The following GPBP1L1 variants were observed in gnomAD, a reference collection of about 807,000 sequenced individuals.
GPBP1L1 encodes the protein GC-rich promoter binding protein 1 like 1.
A neutral mutation model predicts 52.5 loss-of-function variants in GPBP1L1; 23 were observed. The ratio of observed to expected loss-of-function variants is 0.44; its 90% CI spans 0.32 to 0.62. GPBP1L1 has a LOEUF of 0.62. GPBP1L1 is among the 20% of genes least tolerant of loss of function. GPBP1L1 has a pLI of 0.06. For synonymous variants in GPBP1L1, 243 were observed against 203.1 expected, an observed-to-expected ratio of 1.20 and a Z score of -1.67; for missense variants, 596 against 579.3, an observed-to-expected ratio of 1.03 and a Z score of -0.30.
intron 2 of GPBP1L1, among the ~76,000 whole-genome samples, chr1:45,677,217 T>A (rs1645157627): frequency 6.6e-6 from 1 of 151,612 alleles, no homozygotes. Context: ...ATGCCTGTAG[T>A]CCCAGCTACT....
In GPBP1L1 at chr1:45,630,587, G is replaced by A. The variant is rs1217673706; in HGVS notation, c.1064C>T (p.Pro355Leu). 6.2e-7 allele frequency: 1 copy of A among 1,614,034 alleles called. No individual in the cohort carries two copies. Reference protein sequence around the residue: ...KLEDLEDNSTPEPKENGEEGC... With the variant: ...KLEDLEDNSTLEPKENGEEGC... Reference sequence around the variant, plus strand: ...TTCCTCCCCATTTTCCTTTGGTTCAGGTGTGCTGTTGTCCTCCAACTGCAA... The same window carrying A: ...TTCCTCCCCATTTTCCTTTGGTTCAAGTGTGCTGTTGTCCTCCAACTGCAA... The change falls in exon 11 of 13, where the codon CCT becomes CTT. Residue 355 changes from proline to leucine, a missense_variant. Coordinates refer to ENST00000355105, the MANE Select transcript of GPBP1L1 (RefSeq NM_021639.5).
intron 6 of GPBP1L1, chr1:45,654,243 A>T (rs55646901): frequency 0.012 from 2,654 of 219,642 alleles, 30 homozygotes; most frequent in Non-Finnish European, 0.019. Flanking sequence ...ACAATTTAAC[A>T]TGCAAGAGTA....
chr1:45,671,198 T>C (rs1163892350), intron 2 of GPBP1L1, among the ~76,000 whole-genome samples: 1 of 148,022 alleles, frequency 6.8e-6, no homozygotes, highest in Non-Finnish European at 1.5e-5. Context: ...TAGCTATTCT[T>C]GGCTCTCTGG....
intron 10 of GPBP1L1, among the ~76,000 whole-genome samples, chr1:45,631,179 A>T (rs1166298691): frequency 6.6e-6 from 1 of 152,224 alleles, no homozygotes; most frequent in Non-Finnish European, 1.5e-5. Context: ...TAAAACACAA[A>T]ACTATAAAAC....
intron 2 of GPBP1L1, among the ~76,000 whole-genome samples, chr1:45,663,958 T>TC (rs2148489196): frequency 6.6e-6 from 1 of 150,660 alleles, no homozygotes; most frequent in African/African-American, 2.4e-5. Context: ...TCTTAGAACT[T>TC]TTTTTTTTTC....
At chr1:45,676,395 G>C (rs1645139227) in intron 2 of GPBP1L1, among the ~76,000 whole-genome samples, 1 of 152,012 alleles carries the variant, frequency 6.6e-6, no homozygotes, top group Non-Finnish European at 1.5e-5. Context: ...GAGCCCAGGA[G>C]TTTAAGACAA....
chr1:45,639,455 G>C (rs1644640018), intron 8 of GPBP1L1, among the ~76,000 whole-genome samples: 1 of 151,980 alleles, frequency 6.6e-6, no homozygotes, highest in South Asian at 2.1e-4. Context: ...GGCCAGGTGT[G>C]GTGGCTCACG....
At chr1:45,643,423 C>T (rs918354809) in intron 6 of GPBP1L1, among the ~76,000 whole-genome samples, 4 of 152,076 alleles carry the variant, frequency 2.6e-5, no homozygotes, top group South Asian at 4.1e-4. Flanking sequence ...AACTTACAAC[C>T]GTCACTCTAG....
chr1:45,635,832 G>C (rs554197537), intron 8 of GPBP1L1: 1 of 152,052 alleles, frequency 6.6e-6, no homozygotes, highest in African/African-American at 2.4e-5. Flanking sequence ...CTCCTCTGCC[G>C]TTTGCCCCTC....
chr1:45,665,698 G>A (rs899157391), intron 2 of GPBP1L1, among the ~76,000 whole-genome samples: 6 of 138,094 alleles, frequency 4.3e-5, no homozygotes, highest in East Asian at 4.2e-4. Context: ...CCAAGATCAC[G>A]CCACCACTGC....
intron 12 of GPBP1L1, 130 bp from the exon 13 acceptor site, chr1:45,628,538 G>T: frequency 1.4e-6 from 1 of 706,242 alleles, no homozygotes; most frequent in Non-Finnish European, 2.3e-6. Context: ...GCTTCTAAGA[G>T]ACCCTCTGAG....
chr1:45,640,053 GAAAAA>G (rs66580837), intron 8 of GPBP1L1, among the ~76,000 whole-genome samples, 152 bp downstream of exon 8: 17 of 144,534 alleles, frequency 1.2e-4, no homozygotes, highest in Non-Finnish European at 1.2e-4. Context: ...TAAAGAAAAA[GAAAAA>G]AAAAAAAGCA....
rs542273223 is a variant in GPBP1L1, at chr1:45,660,186, C to T, written c.-58G>A. 2 of 985,234 alleles carry T rather than the reference C, an allele frequency of 2.0e-6. No homozygotes were observed. Among genetic ancestry groups the T allele is most frequent in the African/African-American group, 1.7e-5 (1 of 57,294 alleles). 61.0% of individuals were successfully genotyped at this position (985,234 alleles called of 1,614,324 possible). A position where few individuals can be genotyped will look rare whatever the true frequency, so the allele number is the denominator to read the frequency against. ...TTAGACATATGGAGAATATTTACCCCAGAGTGTAACCTCTGTGGTCCTGTT... is the reference window on the plus strand; with the variant it reads ...TTAGACATATGGAGAATATTTACCCTAGAGTGTAACCTCTGTGGTCCTGTT... On this transcript the variant is annotated splice_region_variant and 5_prime_UTR_variant, in exon 3 of 13. Transcript: ENST00000355105.
chr1:45,648,824 T>C (rs2148458271), intron 6 of GPBP1L1, among the ~76,000 whole-genome samples: 1 of 152,238 alleles, frequency 6.6e-6, no homozygotes, highest in South Asian at 2.1e-4. Flanking sequence ...GGTCAGGAGT[T>C]TGAGACCAGC....
chr1:45,636,735 C>T (rs956754128), intron 8 of GPBP1L1, among the ~76,000 whole-genome samples: 6 of 152,176 alleles, frequency 3.9e-5, no homozygotes, highest in Non-Finnish European at 8.8e-5. Flanking sequence ...AAGAGTTTAG[C>T]AAAATCTAAT....
chr1:45,686,224 G>A (rs1382225051), intron 1 of GPBP1L1, among the ~76,000 whole-genome samples, 188 bp downstream of exon 1: 1 of 152,222 alleles, frequency 6.6e-6, no homozygotes, highest in South Asian at 2.1e-4. Flanking sequence ...GGAGGCGGGG[G>A]TGCCGCATCC....
chr1:45,633,151 G>A (rs1207099409), intron 10 of GPBP1L1, among the ~76,000 whole-genome samples: 1 of 152,176 alleles, frequency 6.6e-6, no homozygotes. Context: ...CAGCAATTGC[G>A]CTCCTTGGTA....
chr1:45,639,979 T>C (rs1440761722), intron 8 of GPBP1L1, among the ~76,000 whole-genome samples: 1 of 151,640 alleles, frequency 6.6e-6, no homozygotes, highest in African/African-American at 2.4e-5. Flanking sequence ...GAGGTCACAC[T>C]GAGCCATGAT....
At chr1:45,647,949 C>CT (rs1001087630) in intron 6 of GPBP1L1, among the ~76,000 whole-genome samples, 27 of 150,964 alleles carry the variant, frequency 1.8e-4, no homozygotes, top group Non-Finnish European at 2.5e-4. Flanking sequence ...ATGTTTTTTT[C>CT]TTTTTTTTTG....
Sources: gnomAD v4.1 joint callset for allele counts (sites outside exome capture counted in the v4.1 genomes callset) on GRCh38, gnomAD v4.1.1 for gene constraint, MANE v1.5 for transcripts, NCBI Gene and HGNC (gene_info 2026-07-23, HGNC 2026-07-21) for gene names.